The following BBS7 variants were observed in gnomAD, a reference collection of about 807,000 sequenced individuals.
BBS7 encodes the protein Bardet-Biedl syndrome 7, also known as BBSome complex member BBS7.
Under a neutral mutation model 90.3 loss-of-function variants are expected in BBS7, and 50 were observed. The ratio of observed to expected loss-of-function variants is 0.55; its 90% CI spans 0.44 to 0.70. BBS7 has a LOEUF of 0.70. BBS7 is among the 30% of genes least tolerant of loss of function. The probability of loss-of-function intolerance (pLI) is 0.00; values close to 1 mark genes in which losing one functional copy is unlikely to be tolerated. For synonymous variants in BBS7, 235 were observed against 287.4 expected (o/e 0.82, Z 1.85); for missense variants, 729 against 838.9 (o/e 0.87, Z 1.62).
intron 2 of BBS7, among the ~76,000 whole-genome samples, chr4:121,866,736 G>A (rs1727298040): frequency 6.6e-6 from 1 of 152,118 alleles, no homozygotes; most frequent in African/African-American, 2.4e-5. Context: ...TCAGTTGGTT[G>A]TAGATATGTG....
chr4:121,870,266 C>T lies in BBS7; in HGVS notation c.36+12G>A, dbSNP rs756289733. The T allele has an allele frequency of 6.2e-7, 1 of 1,614,154 alleles. No homozygotes were observed. The highest frequency in any genetic ancestry group is 2.2e-5 in the East Asian group (1 of 44,846). On this transcript the variant is annotated intron_variant, in intron 1 of 18. Coordinates refer to ENST00000264499, the MANE Select transcript of BBS7 (RefSeq NM_176824.3). ...TGCCCAGCGCGGCGCCCGCCCTATCCCTTGGGTTTACCTGCAGATAATCCA... is the reference window on the plus strand; with the variant it reads ...TGCCCAGCGCGGCGCCCGCCCTATCTCTTGGGTTTACCTGCAGATAATCCA...
chr4:121,839,686 T>C lies in BBS7; in HGVS notation c.1316A>G (p.Asn439Ser), dbSNP rs1213576339. 5.6e-6 allele frequency: 9 copies of C among 1,613,664 alleles called. No individual in the cohort carries two copies. Among genetic ancestry groups the C allele is most frequent in the African/African-American group, 2.7e-5 (2 of 74,916 alleles). The change falls in exon 13 of 19, where the codon AAC becomes AGC. Residue 439 changes from asparagine (N) to serine (S), a missense_variant. By Grantham distance (46) the Asn-to-Ser change is conservative. Coordinates refer to ENST00000264499, the MANE Select transcript of BBS7 (RefSeq NM_176824.3). The part of the protein sequence containing the change: ...FSSCDSESND[N>S]FLLATYRCQA... ...GCACCGATAAGTGGCAAGAAGGAAG[T>C]TGTCGTTTGACTGGGAAGAATACAA...
At chr4:121,830,943 C>T (rs1478725278) in intron 15 of BBS7, among the ~76,000 whole-genome samples, 1 of 152,214 alleles carries the variant, frequency 6.6e-6, no homozygotes, top group African/African-American at 2.4e-5. Context: ...CTTGGTGGCT[C>T]ATGCCTGTAA....
chr4:121,842,473 A>G (rs1434005598), intron 12 of BBS7, among the ~76,000 whole-genome samples: 1 of 151,398 alleles, frequency 6.6e-6, no homozygotes, highest in East Asian at 2.0e-4. Flanking sequence ...TGTCTCTACA[A>G]AAAATTTAAA....
chr4:121,828,685 A>T lies in BBS7; in HGVS notation c.1720T>A (p.Ser574Thr). The change falls in exon 16 of 19, where the codon TCC becomes ACC. Residue 574 changes from serine (S) to threonine (T), a missense_variant. Transcript: ENST00000264499. ...VFKSDNISTI[S>T]ILKDVLSKEA... ...TTAGAAAGCACATCTTTTAGGATGG[A>T]GATAGTAGAAATGTTGTCAGATTTA... 6.2e-7 allele frequency: 1 copy of T among 1,608,814 alleles called. No homozygotes were observed. The highest frequency in any genetic ancestry group is 8.5e-7 in the Non-Finnish European group (1 of 1,176,826).
chr4:121,835,932 C>T (rs1725430822), intron 13 of BBS7, among the ~76,000 whole-genome samples: 1 of 152,090 alleles, frequency 6.6e-6, no homozygotes, highest in Non-Finnish European at 1.5e-5. Context: ...ACTATTACTA[C>T]TTTGGTAGTT....
chr4:121,826,799 T>C (rs150669009), intron 18 of BBS7, among the ~76,000 whole-genome samples: 2,244 of 152,158 alleles, frequency 0.015, 73 homozygotes, highest in African/African-American at 0.052. Flanking sequence ...CTGGCCAATA[T>C]GGTGAAACCC....
chr4:121,859,259 A>T (rs1726849954), intron 4 of BBS7, 81 bp from the exon 5 acceptor site: 2 of 1,176,188 alleles, frequency 1.7e-6, no homozygotes, highest in East Asian at 2.4e-5. Context: ...AAAAATGTAT[A>T]CAGTTTACTA....
chr4:121,857,120 T>TC (rs1436996001), intron 5 of BBS7, among the ~76,000 whole-genome samples: 1 of 69,008 alleles, frequency 1.4e-5, no homozygotes, highest in African/African-American at 7.7e-5. Flanking sequence ...ATATGCTTTA[T>TC]CTTTTTTTTT....
At chr4:121,850,340 A>G (rs1324475542) in intron 8 of BBS7, among the ~76,000 whole-genome samples, 1 of 151,116 alleles carries the variant, frequency 6.6e-6, no homozygotes, top group Non-Finnish European at 1.5e-5. Flanking sequence ...AATTTTTTAA[A>G]TTTTTTGCAG....
chr4:121,853,231 T>G, intron 7 of BBS7, 145 bp from the exon 8 acceptor site: 1 of 735,652 alleles, frequency 1.4e-6, no homozygotes, highest in Non-Finnish European at 2.3e-6. Flanking sequence ...TCTTCTCTTG[T>G]CCATCCACAT....
intron 3 of BBS7, among the ~76,000 whole-genome samples, chr4:121,862,357 A>G (rs1464917412): frequency 6.6e-6 from 1 of 152,050 alleles, no homozygotes; most frequent in African/African-American, 2.4e-5. Context: ...CTTCCTCCCC[A>G]TGACTTTATA....
intron 8 of BBS7, among the ~76,000 whole-genome samples, chr4:121,850,539 T>C (rs980511468): frequency 6.6e-6 from 1 of 152,234 alleles, no homozygotes; most frequent in Non-Finnish European, 1.5e-5. Context: ...ATATAAATTT[T>C]ATATTACAAT....
intron 4 of BBS7, among the ~76,000 whole-genome samples, chr4:121,860,405 A>C (rs1237111820): frequency 6.6e-6 from 1 of 152,086 alleles, no homozygotes; most frequent in African/African-American, 2.4e-5. Context: ...TTTTCCTATA[A>C]AACCTTACAA....
intron 2 of BBS7, among the ~76,000 whole-genome samples, chr4:121,864,935 A>G (rs1727176430): frequency 6.6e-6 from 1 of 152,144 alleles, no homozygotes; most frequent in Non-Finnish European, 1.5e-5. Flanking sequence ...AGCTATTTGA[A>G]ACTATATATT....
In BBS7 at chr4:121,831,996, C is replaced by CA. The variant is rs200979432; in HGVS notation, c.1676+1234dup. 2.1e-3 allele frequency among the ~76,000 whole-genome samples: 244 copies of CA among 117,658 alleles called. 1 individual carries two copies. Among genetic ancestry groups the CA allele is most frequent in the African/African-American group, 9.9e-3 (225 of 22,712 alleles). 77.2% of individuals were successfully genotyped at this position (117,658 alleles called of 152,430 possible). ...TCTCTCCCAGACAAATAACACAAAG[C>CA]AAAAAAAACAAAAACACACACACAC... On this transcript the variant is annotated intron_variant, in intron 15 of 18. Transcript: ENST00000264499.
intron 14 of BBS7, among the ~76,000 whole-genome samples, 184 bp downstream of exon 14, chr4:121,834,960 C>T (rs1345925685): frequency 1.3e-5 from 2 of 152,098 alleles, no homozygotes; most frequent in East Asian, 3.8e-4. Context: ...CAACTCAAAC[C>T]AGCCTCTAAA....
intron 11 of BBS7, among the ~76,000 whole-genome samples, chr4:121,845,139 C>T (rs529058444): frequency 1.3e-5 from 2 of 152,152 alleles, no homozygotes; most frequent in South Asian, 2.1e-4. Flanking sequence ...GAGGCCGAGG[C>T]GGGTGGATCA....
At chr4:121,830,181 C>G (rs1725112561) in intron 15 of BBS7, among the ~76,000 whole-genome samples, 1 of 152,198 alleles carries the variant, frequency 6.6e-6, no homozygotes, top group Admixed American at 6.5e-5. Flanking sequence ...GCGGGCAGAT[C>G]ACTTGAGGTC....
Sources: gnomAD v4.1 joint callset for allele counts (sites outside exome capture counted in the v4.1 genomes callset) on GRCh38, gnomAD v4.1.1 for gene constraint, MANE v1.5 for transcripts, NCBI Gene and HGNC (gene_info 2026-07-23, HGNC 2026-07-21) for gene names.